Variants in LILRB2 observed in about 807,000 individuals in gnomAD.
LILRB2 encodes leukocyte immunoglobulin-like receptor subfamily B member 2.
In LILRB2, 47 loss-of-function variants were observed where a neutral mutation model predicts 72.7. The observed-to-expected ratio is 0.65, with a 90% CI of 0.51 to 0.82. The LOEUF (loss-of-function observed/expected upper bound fraction) is 0.82. Among genes scored for constraint, LILRB2 ranks in the 40% least tolerant of loss-of-function variants. The pLI, the probability that LILRB2 is intolerant of heterozygous loss-of-function variation, is 0.00. For missense variants in LILRB2, 767 were observed against 764.8 expected (o/e 1.00, Z -0.03); for synonymous variants, 279 against 313.7 (o/e 0.89, Z 1.17).
At chr19:54,278,725 G>A (rs1286343422) in intron 6 of LILRB2, 87 bp downstream of exon 6, 53 of 1,416,294 alleles carry the variant, frequency 3.7e-5, no homozygotes, top group Non-Finnish European at 4.1e-5. Context: ...ACCACCCCCC[G>A]CCTCATCCTG....
intron 13 of LILRB2, 124 bp downstream of exon 13, chr19:54,275,827 G>C: frequency 7.8e-7 from 1 of 1,289,742 alleles, no homozygotes; most frequent in Non-Finnish European, 1.1e-6. Context: ...GAGGCAGCGT[G>C]CTGGACAAGG....
In LILRB2 at chr19:54,278,244, G is replaced by A; in HGVS notation, c.1258+16C>T. ...TGAGCCTTTGAGCTCAGAGAGGACAGGGTCAAGGCCCCCACCTGAGACCAC... is the reference window on the plus strand; with the variant it reads ...TGAGCCTTTGAGCTCAGAGAGGACAAGGTCAAGGCCCCCACCTGAGACCAC... On this transcript the variant is annotated intron_variant, in intron 7 of 13. Transcript: ENST00000314446. 6.2e-7 allele frequency: 1 copy of A among 1,613,900 alleles called. No homozygotes were observed. Among genetic ancestry groups the A allele is most frequent in the South Asian group, 1.1e-5 (1 of 91,082 alleles).
chr19:54,279,585 C>A lies in LILRB2; in HGVS notation c.418G>T (p.Val140Leu), dbSNP rs563875994. Residue 140 changes from valine to leucine, a missense_variant, in exon 5 of 14, where the codon GTG becomes TTG. This residue lies in a region of LILRB2 where 599 missense variants were observed against 568.2 expected (regional missense o/e 1.05). Coordinates refer to ENST00000314446, the MANE Select transcript of LILRB2 (RefSeq NM_001080978.4). ...PSPVVTSGGR[V>L]TLQCESQVAF... The stretch of plus-strand genomic sequence containing the variant: ...ACCTGTGACTCACACTGGAGGGTCA[C>A]CCTTCCTCCTGAGGTCACCACAGGG... 6.2e-7 allele frequency: 1 copy of A among 1,613,438 alleles called. No individual in the cohort carries two copies. Among genetic ancestry groups the A allele is most frequent in the South Asian group, 1.1e-5 (1 of 90,598 alleles).
At chr19:54,275,287 G>A (rs1226391929) in intron 13 of LILRB2, 4 of 628,778 alleles carry the variant, frequency 6.4e-6, no homozygotes, top group African/African-American at 1.8e-5. Flanking sequence ...GGGCCTTCCC[G>A]CAAGAGCTCG....
intron 10 of LILRB2, 51 bp from the exon 11 acceptor site, chr19:54,276,507 C>T (rs1324487670): frequency 2.3e-6 from 3 of 1,308,708 alleles, no homozygotes; most frequent in Admixed American, 2.5e-5. Context: ...GAGCCCCCTG[C>T]CCTGCACACA....
At position 54,277,938 on chromosome 19, in the gene LILRB2, T is replaced by A; in HGVS notation, c.1260A>T (p.Gly420=). 6.6e-7 allele frequency: 1 copy of A among 1,508,706 alleles called. No individual in the cohort carries two copies. Among genetic ancestry groups the A allele is most frequent in the Non-Finnish European group, 8.9e-7 (1 of 1,127,690 alleles). The allele number at this position is 1,508,706 out of a possible 1,614,324, so 93.5% of individuals were successfully genotyped here. A position where few individuals can be genotyped will look rare whatever the true frequency, so the allele number is the denominator to read the frequency against. The change falls in exon 8 of 14, where the codon GGA becomes GGT. Residue 420 remains glycine (G), a splice_region_variant and synonymous_variant. Transcript: ENST00000314446. The part of the protein sequence containing the change: ...PSEPLELVVS[G]PSMGSSPPPT... ...GTGGGGGGCTGGAACCCATGGAGGG[T>A]CCTGGGTGAAAGAATGAGAGGAGGG... is the stretch of plus-strand genomic sequence containing the variant.
At position 54,276,291 on chromosome 19, in the gene LILRB2, C is replaced by T; in HGVS notation, c.1567G>A (p.Ala523Thr). 6.2e-7 allele frequency: 1 copy of T among 1,614,096 alleles called. No individual in the cohort carries two copies. Among genetic ancestry groups the T allele is most frequent in the Non-Finnish European group, 8.5e-7 (1 of 1,180,030 alleles). ...DRGLQWRSSP[A>T]ADAQEENLYA... Reference sequence around the variant, plus strand: ...AGGTTTTCTTCCTGGGCGTCGGCAGCTGGGCTGGACCTGGGGGAGGAATGG... The same window carrying T: ...AGGTTTTCTTCCTGGGCGTCGGCAGTTGGGCTGGACCTGGGGGAGGAATGG... The change falls in exon 12 of 14, where the codon GCT (alanine) becomes ACT (threonine). Residue 523 changes from alanine (A) to threonine (T), a missense_variant. Transcript: ENST00000314446.
rs768063685 is a variant in LILRB2, at chr19:54,277,630, G to C, written c.1310-33C>G. 74 of 1,552,472 alleles carry C rather than the reference G, an allele frequency of 4.8e-5. 1 individual carries two copies. Among genetic ancestry groups the C allele is most frequent in the Non-Finnish European group, 6.3e-5 (72 of 1,147,172 alleles). ...GTCAGGACGGGGAGGTGAGGGCTGG[G>C]GCTGCCCTGCTCCCCACATCAGCCC... On this transcript the variant is annotated intron_variant, in intron 8 of 13. Transcript: ENST00000314446.
chr19:54,280,788 T>G, intron 1 of LILRB2, 173 bp downstream of exon 1: 1 of 434,428 alleles, frequency 2.3e-6, no homozygotes, highest in Non-Finnish European at 4.0e-6. Flanking sequence ...GTCTGTCTGG[T>G]TTCTCCTCGT....
rs755122887 is a variant in LILRB2 at position 54,277,822 on chromosome 19, C to T, written c.1309+67G>A. ...GAGTCCCTGAAGGGAATGGGATCCT[C>T]CTGGACACTCAAAGCTGCCCTGGGG... On this transcript the variant is annotated intron_variant, in intron 8 of 13. Coordinates refer to ENST00000314446, the MANE Select transcript of LILRB2 (RefSeq NM_001080978.4). 9.5e-5 allele frequency: 132 copies of T among 1,388,266 alleles called. 4 individuals are homozygous for T. In the South Asian group the frequency reaches 1.6e-3, roughly 17 times the overall value. The allele number at this position is 1,388,266 out of a possible 1,614,324, so 86.0% of individuals were successfully genotyped here. A position where few individuals can be genotyped will look rare whatever the true frequency, so the allele number is the denominator to read the frequency against.
In LILRB2 at chr19:54,278,346, G is replaced by T. The variant is rs201242685; in HGVS notation, c.1172C>A (p.Ala391Glu). Residue 391 changes from alanine to glutamate, a missense_variant, in exon 7 of 14, where the codon GCG (alanine) becomes GAG (glutamate). Transcript: ENST00000314446. ...FPMSPVTSAH[A>E]GTYRCYGSLN... The stretch of plus-strand genomic sequence containing the variant: ...TGAGCCGTAGCACCTGTAGGTCCCC[G>T]CGTGGGCTGAGGTCACAGGACTCAT... 6.2e-7 allele frequency: 1 copy of T among 1,614,222 alleles called. No individual in the cohort carries two copies. Among genetic ancestry groups the T allele is most frequent in the South Asian group, 1.1e-5 (1 of 91,090 alleles).
Position 54,274,452 on chromosome 19 carries a change from G to T in LILRB2, c.*231C>A. ...TCTTACTTCTGATTTTAGTTTTCTC[G>T]GTTAACTCATTGATTATTGAGAAGT... On this transcript the variant is annotated 3_prime_UTR_variant, in exon 14 of 14. Transcript: ENST00000314446. 1 of 711,416 alleles carries T rather than the reference G, an allele frequency of 1.4e-6. No homozygotes were observed. The highest frequency in any genetic ancestry group is 2.2e-6 in the Non-Finnish European group (1 of 454,816). The allele number at this position is 711,416 out of a possible 1,614,324, so 44.1% of individuals were successfully genotyped here. A position where few individuals can be genotyped will look rare whatever the true frequency, so the allele number is the denominator to read the frequency against.
chr19:54,279,832 C>A lies in LILRB2; in HGVS notation c.314G>T (p.Arg105Leu). Residue 105 changes from arginine (R) to leucine (L), a missense_variant, in exon 4 of 14, where the codon CGG becomes CTG. By Grantham distance (102) the Arg-to-Leu change is moderately radical. Coordinates refer to ENST00000314446, the MANE Select transcript of LILRB2 (RefSeq NM_001080978.4). ...RYGCQYYSRARWSELSDPLVL... is the reference protein window; with the variant it reads ...RYGCQYYSRALWSELSDPLVL... ...CAGGGGGTCACTGAGCTCAGACCAC[C>A]GAGCGCGGCTGTAATACTGACAGCC... The A allele has an allele frequency of 6.2e-7, 1 of 1,614,134 alleles. No homozygotes were observed. The highest frequency in any genetic ancestry group is 8.5e-7 in the Non-Finnish European group (1 of 1,180,008).
chr19:54,277,077 A>G (rs2080267631), intron 9 of LILRB2, 148 bp from the exon 10 acceptor site: 3 of 1,513,318 alleles, frequency 2.0e-6, no homozygotes, highest in Non-Finnish European at 2.7e-6. Flanking sequence ...CACTCTACAG[A>G]TGAAAAACTG....
rs1190863288 is a variant in LILRB2 at position 54,276,911 on chromosome 19, C to T, written c.1376G>A (p.Gly459Glu). 4 of 1,613,808 alleles carry T rather than the reference C, an allele frequency of 2.5e-6. 1 individual carries two copies. The East Asian group carries it at 6.7e-5, about 27-fold the overall frequency. ...GGCCACCAAGATGCCGATCACAACC[C>T]CCAGGTGCCTTCCCAGACCTTGAGC... Reference protein sequence around the residue: ...DPQSGLGRHLGVVIGILVAVV... With the variant: ...DPQSGLGRHLEVVIGILVAVV... Residue 459 changes from glycine to glutamate, a missense_variant, in exon 10 of 14, where the codon GGG (glycine) becomes GAG (glutamate). Around this residue, in one of 3 missense-constraint regions of LILRB2, gnomAD observed 162 missense variants for 176.7 expected, o/e 0.92. Transcript: ENST00000314446.
Position 54,275,534 on chromosome 19 carries a change from A to G in LILRB2, c.1647+417T>C, listed in dbSNP as rs113650353. ...ATTTATTTGCATTTTGTCTCCCACC[A>G]TGAGGTGAGCTCAGGAGGCGGGGGC... On this transcript the variant is annotated intron_variant, in intron 13 of 13. Coordinates refer to ENST00000314446, the MANE Select transcript of LILRB2 (RefSeq NM_001080978.4). The G allele has an allele frequency of 1.0e-3, 513 of 515,474 alleles. 1 individual carries two copies. The highest frequency in any genetic ancestry group is 1.3e-3 in the Non-Finnish European group (329 of 257,274). 31.9% of individuals were successfully genotyped at this position (515,474 alleles called of 1,614,324 possible). A position where few individuals can be genotyped will look rare whatever the true frequency, so the allele number is the denominator to read the frequency against.
rs545022183 is a variant in LILRB2, at chr19:54,278,797, C to A, written c.955+15G>T. ...CAGAGTCTGGGTCCCTGACTGAACC[C>A]GCTGGGCTCCTCACCTGTGATCAGG... On this transcript the variant is annotated intron_variant, in intron 6 of 13. Transcript: ENST00000314446. 7 of 1,610,834 alleles carry A rather than the reference C, an allele frequency of 4.3e-6. No homozygotes were observed. The highest frequency in any genetic ancestry group is 5.1e-6 in the Non-Finnish European group (6 of 1,179,218).
intron 6 of LILRB2, 96 bp downstream of exon 6, chr19:54,278,716 C>A: frequency 6.5e-7 from 1 of 1,545,952 alleles, no homozygotes; most frequent in South Asian, 1.2e-5. Flanking sequence ...TCCCTTGGGA[C>A]CACCCCCCGC....
At chr19:54,280,854 C>T (rs1235807990) in intron 1 of LILRB2, 107 bp downstream of exon 1, 1 of 624,724 alleles carries the variant, frequency 1.6e-6, no homozygotes, top group Non-Finnish European at 2.7e-6. Context: ...TGTGTCTGCC[C>T]TTCCTGATGA....
Sources: gnomAD v4.1 joint callset for allele counts on GRCh38, gnomAD v4.1.1 for gene constraint, gnomAD v4.1.1 regional missense constraint, MANE v1.5 for transcripts, NCBI Gene and HGNC (gene_info 2026-07-23, HGNC 2026-07-21) for gene names.